The following CCDC169 variants were observed in gnomAD, a reference collection of about 807,000 sequenced individuals.
CCDC169 encodes coiled-coil domain containing 169, also known as coiled-coil domain-containing protein 169.
CCDC169 carries 30 observed loss-of-function variants against 36.0 expected under a neutral mutation model. That is an observed-to-expected ratio of 0.83 (90% CI 0.62 to 1.13). The LOEUF (loss-of-function observed/expected upper bound fraction) is 1.13, where lower values mean the gene tolerates loss of function less well. CCDC169 is among the 50% of genes most tolerant of loss of function. The pLI, the probability that CCDC169 is intolerant of heterozygous loss-of-function variation, is 0.00. For synonymous variants in CCDC169, 85 were observed against 81.5 expected, an observed-to-expected ratio of 1.04 and a Z score of -0.23; for missense variants, 245 against 245.9, an observed-to-expected ratio of 1.00 and a Z score of 0.03.
intron 7 of CCDC169, among the ~76,000 whole-genome samples, chr13:36,235,503 C>T (rs985318742): frequency 6.6e-6 from 1 of 151,674 alleles, no homozygotes; most frequent in African/African-American, 2.4e-5. Flanking sequence ...AATCTATGAA[C>T]AAAATTTACA....
intron 7 of CCDC169, among the ~76,000 whole-genome samples, chr13:36,235,249 T>C (rs1040399714): frequency 6.6e-6 from 1 of 151,506 alleles, no homozygotes; most frequent in Non-Finnish European, 1.5e-5. Context: ...TATTAAATCA[T>C]ACATATATAA....
chr13:36,284,785 A>C (rs139940490), intron 2 of CCDC169, among the ~76,000 whole-genome samples: 1 of 152,192 alleles, frequency 6.6e-6, no homozygotes. Context: ...CTGCTGCTAC[A>C]TAACAGTTAG....
chr13:36,245,717 G>A (rs538268924), intron 7 of CCDC169, among the ~76,000 whole-genome samples: 2 of 152,320 alleles, frequency 1.3e-5, no homozygotes, highest in African/African-American at 2.4e-5. Context: ...ACTAAAAAGG[G>A]TAGGGCTGAT....
intron 7 of CCDC169, among the ~76,000 whole-genome samples, chr13:36,241,151 C>G (rs1871775301): frequency 6.6e-6 from 1 of 151,996 alleles, no homozygotes; most frequent in South Asian, 2.1e-4. Context: ...TGGGTATTTT[C>G]TAATGTTCTG....
intron 7 of CCDC169, among the ~76,000 whole-genome samples, chr13:36,239,912 ACAC>A (rs1209203774): frequency 1.3e-5 from 2 of 152,170 alleles, no homozygotes; most frequent in Non-Finnish European, 2.9e-5. Flanking sequence ...AGAGAGAGAG[ACAC>A]CACATTCATA....
At chr13:36,242,221 CTAGCAATGTA>C (rs376468416) in intron 7 of CCDC169, among the ~76,000 whole-genome samples, 55 of 152,338 alleles carry the variant, frequency 3.6e-4, no homozygotes, top group African/African-American at 1.3e-3. Flanking sequence ...TATACTCCTA[CTAGCAATGTA>C]TGAGAATCCC....
chr13:36,225,118 T>C (rs1225502696), downstream of CCDC169: 1 of 151,422 alleles, frequency 6.6e-6, no homozygotes, highest in East Asian at 1.9e-4. Context: ...ACCCCTACCT[T>C]TCACCATATG....
intron 2 of CCDC169, among the ~76,000 whole-genome samples, chr13:36,293,080 G>A (rs1879099362): frequency 6.7e-6 from 1 of 150,062 alleles, no homozygotes; most frequent in Non-Finnish European, 1.5e-5. Flanking sequence ...GAGTGTGATT[G>A]AGTGGAGAGG....
At chr13:36,293,293 C>T (rs1879124837) in intron 2 of CCDC169, among the ~76,000 whole-genome samples, 1 of 152,142 alleles carries the variant, frequency 6.6e-6, no homozygotes. Flanking sequence ...AAACTTTAAC[C>T]TCATCTCCTA....
chr13:36,285,562 ATTT>A (rs1320587941), intron 2 of CCDC169, among the ~76,000 whole-genome samples: 1 of 139,706 alleles, frequency 7.2e-6, no homozygotes, highest in Non-Finnish European at 1.6e-5. Flanking sequence ...AAAAATAAAA[ATTT>A]TTCTCAAAAA....
chr13:36,288,394 G>A (rs924208002), intron 2 of CCDC169, among the ~76,000 whole-genome samples: 1 of 152,164 alleles, frequency 6.6e-6, no homozygotes, highest in African/African-American at 2.4e-5. Context: ...TTAAGAAATG[G>A]AAAAGGTGAA....
chr13:36,286,470 G>C (rs1214564814), intron 2 of CCDC169, among the ~76,000 whole-genome samples: 3 of 152,112 alleles, frequency 2.0e-5, no homozygotes, highest in Non-Finnish European at 4.4e-5. Context: ...GCTCAGTTCT[G>C]ACTCAGTTGC....
At chr13:36,234,833 TTTG>T (rs1355651873) in intron 7 of CCDC169, among the ~76,000 whole-genome samples, 9 of 152,062 alleles carry the variant, frequency 5.9e-5, no homozygotes, top group African/African-American at 2.2e-4. Context: ...AGTAGAGACT[TTTG>T]TGTTGAAATA....
At chr13:36,291,986 CTTCT>C (rs1878952405) in intron 2 of CCDC169, among the ~76,000 whole-genome samples, 2 of 141,918 alleles carry the variant, frequency 1.4e-5, no homozygotes, top group East Asian at 2.6e-4. Flanking sequence ...GTCAATAAGT[CTTCT>C]TTTTTTTTTT....
intron 7 of CCDC169, among the ~76,000 whole-genome samples, chr13:36,237,421 AGC>A (rs1871221709): frequency 6.6e-6 from 1 of 152,202 alleles, no homozygotes; most frequent in South Asian, 2.1e-4. Flanking sequence ...GAATTAACCC[AGC>A]AATTCCACTT....
At chr13:36,272,946 C>T (rs1396860817) in intron 4 of CCDC169, among the ~76,000 whole-genome samples, 10 of 152,126 alleles carry the variant, frequency 6.6e-5, no homozygotes, top group African/African-American at 2.4e-4. Context: ...CCTTTCTCAC[C>T]CCCACCTTCT....
chr13:36,233,895 G>C (rs1870746629), intron 7 of CCDC169, among the ~76,000 whole-genome samples: 1 of 152,202 alleles, frequency 6.6e-6, no homozygotes, highest in African/African-American at 2.4e-5. Context: ...AAGTGGGAAA[G>C]TTTGCATTAA....
chr13:36,254,190 A>G, intron 4 of CCDC169, 47 bp from the exon 5 acceptor site: 1 of 1,311,816 alleles, frequency 7.6e-7, no homozygotes, highest in Non-Finnish European at 1.0e-6. Context: ...TGTTCTAAAC[A>G]AAATAAGAAA....
At chr13:36,242,161 A>G (rs1871908498) in intron 7 of CCDC169, among the ~76,000 whole-genome samples, 1 of 152,222 alleles carries the variant, frequency 6.6e-6, no homozygotes, top group Admixed American at 6.5e-5. Context: ...AGTTCTTTAT[A>G]GCAGTGTGAA....
Sources: allele counts gnomAD v4.1 joint callset (sites outside exome capture counted in the v4.1 genomes callset), GRCh38; gene constraint gnomAD v4.1.1; transcripts MANE v1.5; gene names NCBI Gene and HGNC (gene_info 2026-07-23, HGNC 2026-07-21).